The following CENPT variants were observed in gnomAD, a reference collection of about 807,000 sequenced individuals.
CENPT encodes centromere protein T.
In CENPT, 42 loss-of-function variants were observed where a neutral mutation model predicts 59.7. That is an observed-to-expected ratio of 0.70 (90% CI 0.55 to 0.91). The LOEUF (loss-of-function observed/expected upper bound fraction) is 0.91, where lower values mean the gene tolerates loss of function less well. Ranked by LOEUF, CENPT falls within the 40% of genes least tolerant of loss-of-function variation. The probability of loss-of-function intolerance (pLI) is 0.00; values close to 1 mark genes in which losing one functional copy is unlikely to be tolerated. For missense variants in CENPT, 716 were observed against 713.4 expected, an observed-to-expected ratio of 1.00 and a Z score of -0.04; for synonymous variants, 295 against 289.6, an observed-to-expected ratio of 1.02 and a Z score of -0.19.
In CENPT at chr16:67,843,169, G is replaced by T. The variant is rs755623143; in HGVS notation, c.-492+4232C>A. 6.2e-7 allele frequency: 1 copy of T among 1,609,924 alleles called. No homozygotes were observed. Among genetic ancestry groups the T allele is most frequent in the South Asian group, 1.1e-5 (1 of 91,060 alleles). The stretch of plus-strand genomic sequence containing the variant: ...CAGCCGCAGAGGGCGCAGCCGCTGC[G>T]GCCGCCGCGTCGGAGTTACAGGCTG... On this transcript the variant is annotated intron_variant, in intron 1 of 15. Coordinates refer to ENST00000562787, the MANE Select transcript of CENPT (RefSeq NM_025082.4). The surrounding 1 kb of genome is among the most constrained non-coding windows in gnomAD (Gnocchi z 5.7).
In CENPT at chr16:67,842,858, C is replaced by T; in HGVS notation, c.-492+4543G>A. ...ACCCGCTGGGGCCGCGGCCGCCCGC[C>T]GCAGGCAGCAGCAGCAACAGCAGCA... is the stretch of plus-strand genomic sequence containing the variant. On this transcript the variant is annotated intron_variant, in intron 1 of 15. Transcript: ENST00000562787. This position sits in a 1 kb window ranked among gnomAD's most constrained non-coding sequence, Gnocchi z 4.9. 1 of 1,611,390 alleles carries T rather than the reference C, an allele frequency of 6.2e-7. No homozygotes were observed. Among genetic ancestry groups the T allele is most frequent in the Non-Finnish European group, 8.5e-7 (1 of 1,179,616 alleles).
intron 13 of CENPT, 107 bp downstream of exon 13, chr16:67,829,316 G>T: frequency 1.1e-6 from 1 of 888,750 alleles, no homozygotes; most frequent in Non-Finnish European, 1.6e-6. Flanking sequence ...CTGCCCTGCT[G>T]GGTAATCATC....
At chr16:67,831,502 C>T (rs2057688428) in intron 9 of CENPT, 74 bp downstream of exon 9, 1 of 1,588,144 alleles carries the variant, frequency 6.3e-7, no homozygotes, top group African/African-American at 1.3e-5. Flanking sequence ...GGGCAGATTC[C>T]ATCCCAGGCA....
chr16:67,841,018 T>C (rs1423215186), intron 1 of CENPT, among the ~76,000 whole-genome samples: 314 of 30,058 alleles, frequency 0.01, 5 homozygotes, highest in African/African-American at 0.029. Flanking sequence ...TACATATATA[T>C]ATATATATAT....
At chr16:67,834,154 G>C in intron 3 of CENPT, 54 bp from the exon 4 acceptor site, 2 of 333,600 alleles carry the variant, frequency 6.0e-6, no homozygotes, top group Middle Eastern at 8.1e-4. Context: ...GATTCAAGGA[G>C]TTGATGTTTA....
intron 4 of CENPT, 103 bp from the exon 5 acceptor site, chr16:67,832,648 C>T: frequency 9.7e-7 from 1 of 1,027,440 alleles, no homozygotes. Context: ...CGTTTTCCCT[C>T]AGGGCTAGGG....
In CENPT at chr16:67,830,093, G is replaced by A; in HGVS notation, c.863-5C>T. 6.2e-7 allele frequency: 1 copy of A among 1,613,634 alleles called. No individual in the cohort carries two copies. Among genetic ancestry groups the A allele is most frequent in the Non-Finnish European group, 8.5e-7 (1 of 1,179,668 alleles). On this transcript the variant is annotated splice_polypyrimidine_tract_variant and splice_region_variant and intron_variant, in intron 11 of 15. Transcript: ENST00000562787. Reference sequence around the variant, plus strand: ...ACTGGGCTGGTTTCCCAGGGCCTGAGTGAAGGGGAGAGAATACAGGCCGGA... The same window carrying A: ...ACTGGGCTGGTTTCCCAGGGCCTGAATGAAGGGGAGAGAATACAGGCCGGA...
At position 67,832,296 on chromosome 16, in the gene CENPT, T is replaced by C; in HGVS notation, c.221A>G (p.His74Arg). 6.2e-7 allele frequency: 1 copy of C among 1,614,190 alleles called. No individual in the cohort carries two copies. Among genetic ancestry groups the C allele is most frequent in the Non-Finnish European group, 8.5e-7 (1 of 1,180,012 alleles). The stretch of plus-strand genomic sequence containing the variant: ...CTCCAAGTGCCCACTGGCCTGAATA[T>C]GGGCCGATCTGCCAACAGACTATCG... ...HGARSVGRSA[H>R]IQASGHLEEQ... Residue 74 changes from histidine to arginine, a missense_variant, in exon 6 of 16, where the codon CAT (histidine) becomes CGT (arginine). Coordinates refer to ENST00000562787, the MANE Select transcript of CENPT (RefSeq NM_025082.4).
chr16:67,831,025 G>C, intron 10 of CENPT, 191 bp downstream of exon 10: 1 of 726,650 alleles, frequency 1.4e-6, no homozygotes, highest in South Asian at 1.7e-5. Flanking sequence ...GGCCCTGGGA[G>C]ACACCGAGGG....
At position 67,842,766 on chromosome 16, in the gene CENPT, C is replaced by T; in HGVS notation, c.-492+4635G>A. 1 of 1,609,996 alleles carries T rather than the reference C, an allele frequency of 6.2e-7. No individual in the cohort carries two copies. Among genetic ancestry groups the T allele is most frequent in the South Asian group, 1.1e-5 (1 of 90,610 alleles). On this transcript the variant is annotated intron_variant, in intron 1 of 15. Transcript: ENST00000562787. The surrounding 1 kb of genome is among the most constrained non-coding windows in gnomAD (Gnocchi z 4.9). ...GTTCACTTCCAGGGCGGCCGCAAGA[C>T]CTACACGGTACGCGTCCCCACCATC...
Position 67,828,837 on chromosome 16 carries a change from A to C in CENPT, c.1287T>G (p.Ser429=). ...PAPAPGAAVL[S]SEPAEPLLVR... ...CCAACAGAGGCTCTGCAGGCTCTGA[A>C]GATAAGCTGAGGGCAACAGTGGACA... The change falls in exon 14 of 16, where the codon TCT becomes TCG. Residue 429 remains serine (S), a synonymous_variant. Coordinates refer to ENST00000562787, the MANE Select transcript of CENPT (RefSeq NM_025082.4). 6.3e-7 allele frequency: 1 copy of C among 1,580,236 alleles called. No homozygotes were observed. The highest frequency in any genetic ancestry group is 8.5e-7 in the Non-Finnish European group (1 of 1,170,856).
chr16:67,830,598 G>A (rs753294550), intron 10 of CENPT, 50 bp from the exon 11 acceptor site: 3 of 1,589,310 alleles, frequency 1.9e-6, no homozygotes, highest in African/African-American at 2.7e-5. Flanking sequence ...GGAGATCAGG[G>A]GCCAGCTGGC....
intron 4 of CENPT, among the ~76,000 whole-genome samples, chr16:67,833,071 A>G (rs2057709088): frequency 6.6e-6 from 1 of 152,134 alleles, no homozygotes; most frequent in Non-Finnish European, 1.5e-5. Flanking sequence ...CTCATTCCCT[A>G]TAAAGAAACT....
intron 4 of CENPT, among the ~76,000 whole-genome samples, 173 bp downstream of exon 4, chr16:67,833,577 C>T (rs1189834825): frequency 2.0e-5 from 3 of 152,198 alleles, no homozygotes; most frequent in Non-Finnish European, 4.4e-5. Context: ...CCCTGCTCCT[C>T]TCTGAGACTC....
chr16:67,835,028 A>T (rs2057726175), intron 3 of CENPT, 144 bp downstream of exon 3: 1 of 152,150 alleles, frequency 6.6e-6, no homozygotes, highest in Non-Finnish European at 1.5e-5. Context: ...TTAAGTAGAG[A>T]CAGGGTTTCT....
At chr16:67,838,814 CTACTCAGGAGGCT>C in intron 1 of CENPT, among the ~76,000 whole-genome samples, 1 of 151,760 alleles carries the variant, frequency 6.6e-6, no homozygotes, top group Admixed American at 6.6e-5. Flanking sequence ...GTAATTCCAC[CTACTCAGGAGGCT>C]GAGGCAGGAA....
rs781009614 is a variant in CENPT at position 67,829,784 on chromosome 16, C to T, written c.1167G>A (p.Glu389=). 31 of 1,613,986 alleles carry T rather than the reference C, an allele frequency of 1.9e-5. No individual in the cohort carries two copies. In the South Asian group the frequency reaches 3.0e-4, roughly 15 times the overall value. ...ADGPGASSGD[E]DASGRAASPE... The stretch of plus-strand genomic sequence containing the variant: ...TCTTACCTGCCCTGCCAGAGGCATC[C>T]TCATCCCCTGAAGATGCTCCTGGCC... Residue 389 remains glutamate (E), a synonymous_variant, in exon 12 of 16, where the codon GAG becomes GAA. Transcript: ENST00000562787.
intron 1 of CENPT, among the ~76,000 whole-genome samples, chr16:67,836,438 T>TC (rs2057735235): frequency 6.9e-6 from 1 of 145,476 alleles, no homozygotes; most frequent in South Asian, 2.1e-4. Flanking sequence ...AAAACAAACA[T>TC]CTTTTTTTTT....
intron 1 of CENPT, among the ~76,000 whole-genome samples, chr16:67,844,986 A>G (rs1335322668): frequency 6.6e-6 from 1 of 151,716 alleles, no homozygotes; most frequent in African/African-American, 2.4e-5. Context: ...ACAGGATTTC[A>G]CCATGTTGGC....
Sources: gnomAD v4.1 joint callset for allele counts (sites outside exome capture counted in the v4.1 genomes callset) on GRCh38, gnomAD v4.1.1 for gene constraint, Gnocchi (gnomAD v3.1) non-coding constraint, MANE v1.5 for transcripts, NCBI Gene and HGNC (gene_info 2026-07-23, HGNC 2026-07-21) for gene names.